SCHIP1: variants seen among roughly 807,000 people sequenced by gnomAD.
SCHIP1 encodes the protein schwannomin-interacting protein 1.
In SCHIP1, 8 loss-of-function variants were observed where a neutral mutation model predicts 29.7. That is an observed-to-expected ratio of 0.27 (90% CI 0.16 to 0.49). SCHIP1 has a LOEUF of 0.49. Among genes scored for constraint, SCHIP1 ranks in the 20% least tolerant of loss-of-function variants. SCHIP1 has a pLI of 0.99. For synonymous variants in SCHIP1, 76 were observed against 94.9 expected (o/e 0.80, Z 1.16); for missense variants, 193 against 294.6 (o/e 0.66, Z 2.52).
chr3:159,351,969 A>G, the SCHIP1 span, among the ~76,000 whole-genome samples: 1 of 152,224 alleles, frequency 6.6e-6, no homozygotes, highest in Non-Finnish European at 1.5e-5. Flanking sequence ...TACTGAGATG[A>G]TAATTTTTTT....
the SCHIP1 span, among the ~76,000 whole-genome samples, chr3:159,766,245 G>C: frequency 6.6e-6 from 1 of 152,150 alleles, no homozygotes; most frequent in African/African-American, 2.4e-5. Context: ...CGGGGCTCCT[G>C]AAAATTGGGT....
the SCHIP1 span, among the ~76,000 whole-genome samples, chr3:159,633,822 C>G: frequency 6.6e-6 from 1 of 151,992 alleles, no homozygotes; most frequent in Non-Finnish European, 1.5e-5. Context: ...AAGGTTAGAA[C>G]AATCAGATAT....
the SCHIP1 span, among the ~76,000 whole-genome samples, chr3:159,396,179 C>T: frequency 6.7e-6 from 1 of 149,244 alleles, no homozygotes; most frequent in South Asian, 2.1e-4. Context: ...CTTGGTAGAT[C>T]TTCCTCCATC....
the SCHIP1 span, among the ~76,000 whole-genome samples, chr3:159,334,850 G>A: frequency 2.6e-5 from 4 of 151,438 alleles, no homozygotes; most frequent in East Asian, 1.9e-4. Flanking sequence ...AGACATTCAT[G>A]TACAGGTTTT....
chr3:159,735,527 G>GC, the SCHIP1 span, among the ~76,000 whole-genome samples: 1 of 152,162 alleles, frequency 6.6e-6, no homozygotes, highest in Admixed American at 6.5e-5. Flanking sequence ...ACCACACCTG[G>GC]CCCCAATTGC....
the SCHIP1 span, among the ~76,000 whole-genome samples, chr3:159,732,389 T>C: frequency 6.6e-6 from 1 of 152,236 alleles, no homozygotes; most frequent in African/African-American, 2.4e-5. Context: ...AGCCCCATCC[T>C]GTGTCTGATC....
At chr3:159,590,819 C>CT in the SCHIP1 span, among the ~76,000 whole-genome samples, 2 of 152,146 alleles carry the variant, frequency 1.3e-5, no homozygotes, top group African/African-American at 4.8e-5. Flanking sequence ...TTATTGTCCT[C>CT]TGTGTTTACA....
At chr3:159,835,132 T>C (rs1743545289), upstream of SCHIP1, among the ~76,000 whole-genome samples, 1 of 152,232 alleles carries the variant, frequency 6.6e-6, no homozygotes, top group Admixed American at 6.5e-5. Flanking sequence ...AAGTTATTAC[T>C]TAAGATGGTG....
chr3:159,896,765 T>G (rs779385511), exon 7 of SCHIP1: 18 of 1,606,960 alleles, frequency 1.1e-5, no homozygotes, highest in Non-Finnish European at 1.5e-5. Context: ...AGAAAATGCC[T>G]GCAAAGTGAA....
At chr3:159,291,720 A>T in the SCHIP1 span, among the ~76,000 whole-genome samples, 1 of 152,094 alleles carries the variant, frequency 6.6e-6, no homozygotes, top group Non-Finnish European at 1.5e-5. Context: ...AAAATAATAA[A>T]ATCCAAATCT....
the SCHIP1 span, among the ~76,000 whole-genome samples, chr3:159,355,228 CT>C: frequency 6.6e-6 from 1 of 152,016 alleles, no homozygotes; most frequent in African/African-American, 2.4e-5. Context: ...CTCCCTCCCC[CT>C]ACACCACCAA....
chr3:159,533,045 T>G, the SCHIP1 span, among the ~76,000 whole-genome samples: 1 of 152,236 alleles, frequency 6.6e-6, no homozygotes, highest in Admixed American at 6.5e-5. Flanking sequence ...AGTAGTTGAT[T>G]ATGCCTGTCT....
chr3:159,657,167 C>G, the SCHIP1 span, among the ~76,000 whole-genome samples: 1 of 152,078 alleles, frequency 6.6e-6, no homozygotes, highest in Non-Finnish European at 1.5e-5. Context: ...AATAAGCTTC[C>G]AGGAGAGATG....
chr3:159,464,711 C>T, the SCHIP1 span, among the ~76,000 whole-genome samples: 1,220 of 152,210 alleles, frequency 8.0e-3, 23 homozygotes, highest in Admixed American at 0.047. Flanking sequence ...CTATTACCCA[C>T]GGAGCTTGAA....
the SCHIP1 span, among the ~76,000 whole-genome samples, chr3:159,496,876 C>T: frequency 2.0e-5 from 3 of 152,106 alleles, no homozygotes; most frequent in Non-Finnish European, 4.4e-5. Context: ...CAATGATAGA[C>T]TGGATTAAGA....
At chr3:159,575,076 C>T in the SCHIP1 span, among the ~76,000 whole-genome samples, 9 of 152,332 alleles carry the variant, frequency 5.9e-5, no homozygotes, top group East Asian at 1.9e-4. Context: ...GGTGATGCCC[C>T]GCCCTGCTTT....
the SCHIP1 span, among the ~76,000 whole-genome samples, chr3:159,371,939 A>G: frequency 6.6e-6 from 1 of 152,270 alleles, no homozygotes; most frequent in South Asian, 2.1e-4. Flanking sequence ...CCAACTGTAT[A>G]TGTACTATTA....
the SCHIP1 span, among the ~76,000 whole-genome samples, chr3:159,324,730 T>C: frequency 6.6e-6 from 1 of 152,134 alleles, no homozygotes; most frequent in Non-Finnish European, 1.5e-5. Flanking sequence ...TTTTCTCTTA[T>C]GGAGGATTAA....
chr3:159,578,358 GACT>G, the SCHIP1 span, among the ~76,000 whole-genome samples: 1 of 152,088 alleles, frequency 6.6e-6, no homozygotes, highest in Non-Finnish European at 1.5e-5. Context: ...CTTTTAATCT[GACT>G]ACATGTTGAA....
Sources: allele counts gnomAD v4.1 joint callset (sites outside exome capture counted in the v4.1 genomes callset), GRCh38; gene constraint gnomAD v4.1.1; transcripts MANE v1.5; gene names NCBI Gene and HGNC (gene_info 2026-07-23, HGNC 2026-07-21).